CAMSAP2: variants seen among roughly 807,000 people sequenced by gnomAD.
CAMSAP2 encodes calmodulin regulated spectrin associated protein family member 2.
In CAMSAP2, 26 loss-of-function variants were observed where a neutral mutation model predicts 146.1. That is an observed-to-expected ratio of 0.18 (90% CI 0.13 to 0.25). The LOEUF is 0.25. Ranked by LOEUF, CAMSAP2 falls within the 10% of genes least tolerant of loss-of-function variation. CAMSAP2 has a pLI of 1.00. For synonymous variants in CAMSAP2, 499 were observed against 596.6 expected (o/e 0.84, Z 2.38); for missense variants, 1,381 against 1,759.3 (o/e 0.78, Z 3.85).
intron 1 of CAMSAP2, among the ~76,000 whole-genome samples, chr1:200,751,535 C>CAAA (rs35294926): frequency 0.027 from 1,099 of 41,452 alleles, 92 homozygotes; most frequent in African/African-American, 0.079. Flanking sequence ...GACTCCATCT[C>CAAA]AAAAAAAAAA....
At position 200,760,855 on chromosome 1, in the gene CAMSAP2, A is replaced by G. The variant is rs1232001931; in HGVS notation, c.156A>G (p.Glu52=). The G allele has an allele frequency of 6.3e-7, 1 of 1,582,384 alleles. No homozygotes were observed. Among genetic ancestry groups the G allele is most frequent in the Non-Finnish European group, 8.6e-7 (1 of 1,160,910 alleles). ...KAFGTENVPE[E]LQEPFYTDQY... Reference sequence around the variant, plus strand: ...TCTTTATAGAAAATGTGCCAGAGGAACTTCAAGAACCATTTTACACAGATC... The same window carrying G: ...TCTTTATAGAAAATGTGCCAGAGGAGCTTCAAGAACCATTTTACACAGATC... Residue 52 remains glutamate (E), a synonymous_variant, in exon 2 of 17, where the codon GAA becomes GAG. Coordinates refer to ENST00000358823, the MANE Select transcript of CAMSAP2 (RefSeq NM_203459.4).
Position 200,852,610 on chromosome 1 carries a change from G to A in CAMSAP2, c.3535G>A (p.Glu1179Lys). ...TTTGTTGGAGAAAAGATTAAGAAGGGAAAAGGAAACTCAGCTCCGGAAACA... is the reference window on the plus strand; with the variant it reads ...TTTGTTGGAGAAAAGATTAAGAAGGAAAAAGGAAACTCAGCTCCGGAAACA... The part of the protein sequence containing the change: ...AALLEKRLRR[E>K]KETQLRKQQL... Residue 1179 changes from glutamate to lysine, a missense_variant, in exon 12 of 17, where the codon GAA (glutamate) becomes AAA (lysine). Glu to Lys is a moderately conservative substitution (Grantham distance 56, BLOSUM62 1). Transcript: ENST00000358823. 2 of 1,613,832 alleles carry A rather than the reference G, an allele frequency of 1.2e-6. No individual in the cohort carries two copies. The highest frequency in any genetic ancestry group is 1.7e-6 in the Non-Finnish European group (2 of 1,179,896).
intron 6 of CAMSAP2, among the ~76,000 whole-genome samples, chr1:200,834,393 C>T (rs551919360): frequency 3.3e-5 from 5 of 152,022 alleles, no homozygotes; most frequent in East Asian, 3.9e-4. Context: ...ATCATCATCA[C>T]GAATAGATTT....
chr1:200,750,901 CT>C (rs55953656), intron 1 of CAMSAP2, among the ~76,000 whole-genome samples: 67,259 of 91,570 alleles, frequency 0.73, 25,126 homozygotes, highest in Non-Finnish European at 0.84. Flanking sequence ...CCGCGCCTGC[CT>C]TTTTTTTTTT....
At chr1:200,799,556 C>T (rs571047310) in intron 2 of CAMSAP2, among the ~76,000 whole-genome samples, 26 of 152,118 alleles carry the variant, frequency 1.7e-4, no homozygotes, top group Admixed American at 1.2e-3. Flanking sequence ...TTTGATTCTT[C>T]TCTCTTTCCT....
At chr1:200,751,316 C>T (rs1317040274) in intron 1 of CAMSAP2, among the ~76,000 whole-genome samples, 1 of 151,638 alleles carries the variant, frequency 6.6e-6, no homozygotes, top group Admixed American at 6.6e-5. Context: ...ACCCTACACT[C>T]CTTCAGTGTA....
intron 2 of CAMSAP2, among the ~76,000 whole-genome samples, chr1:200,784,280 T>C (rs1665526137): frequency 6.6e-6 from 1 of 152,176 alleles, no homozygotes; most frequent in Admixed American, 6.5e-5. Context: ...CATTTCCATA[T>C]AAATTTTAGA....
intron 4 of CAMSAP2, among the ~76,000 whole-genome samples, chr1:200,827,909 T>C (rs1298487390): frequency 6.6e-6 from 1 of 152,142 alleles, no homozygotes; most frequent in African/African-American, 2.4e-5. Flanking sequence ...AAGAAGAAAA[T>C]TAGATTCTTT....
chr1:200,822,962 G>A (rs1056378381), intron 4 of CAMSAP2, among the ~76,000 whole-genome samples: 11 of 152,052 alleles, frequency 7.2e-5, no homozygotes, highest in Admixed American at 6.5e-4. Context: ...TATGGGTAAG[G>A]GGGGGACAGC....
At position 200,849,980 on chromosome 1, in the gene CAMSAP2, G is replaced by C. The variant is rs1199708271; in HGVS notation, c.3211G>C (p.Glu1071Gln). 6.2e-7 allele frequency: 1 copy of C among 1,614,116 alleles called. No homozygotes were observed. The highest frequency in any genetic ancestry group is 1.7e-5 in the Admixed American group (1 of 60,002). The part of the protein sequence containing the change: ...EIKPFESTVS[E>Q]VLSLPVTETV... The stretch of plus-strand genomic sequence containing the variant: ...CAAACCTTTTGAGTCAACAGTCTCT[G>C]AAGTCCTATCACTGCCTGTCACAGA... Residue 1071 changes from glutamate to glutamine, a missense_variant, in exon 11 of 17, where the codon GAA becomes CAA. Transcript: ENST00000358823. This position sits in a 1 kb window ranked among gnomAD's most constrained non-coding sequence, Gnocchi z 6.3.
rs546841690 is a variant in CAMSAP2 at position 200,739,172 on chromosome 1, G to C, written c.-656G>C. On this transcript the variant is annotated 5_prime_UTR_variant, in exon 1 of 17. Coordinates refer to ENST00000358823, the MANE Select transcript of CAMSAP2 (RefSeq NM_203459.4). This position sits in a 1 kb window ranked among gnomAD's most constrained non-coding sequence, Gnocchi z 4.8. ...CGGGAGGGAGCACAGAGGAGGGGAC[G>C]GGCCGGCGGCGGCCTGTGAGCCGCA... 2.0e-3 allele frequency among the ~76,000 whole-genome samples: 304 copies of C among 152,170 alleles called. 1 individual carries two copies. The highest frequency in any genetic ancestry group is 7.1e-3 in the African/African-American group (293 of 41,526).
At chr1:200,836,081 CT>C (rs71281172) in intron 6 of CAMSAP2, among the ~76,000 whole-genome samples, 32 of 134,772 alleles carry the variant, frequency 2.4e-4, no homozygotes, top group Non-Finnish European at 3.0e-4. Flanking sequence ...TCATTTGAAT[CT>C]TTTTTTTTTT....
chr1:200,835,870 A>G (rs1667172040), intron 6 of CAMSAP2, among the ~76,000 whole-genome samples: 1 of 152,228 alleles, frequency 6.6e-6, no homozygotes, highest in African/African-American at 2.4e-5. Flanking sequence ...ACATGGAGAT[A>G]TAAGATTGCA....
intron 2 of CAMSAP2, among the ~76,000 whole-genome samples, chr1:200,804,692 C>T (rs1407962810): frequency 6.6e-6 from 1 of 152,138 alleles, no homozygotes; most frequent in Non-Finnish European, 1.5e-5. Flanking sequence ...AGGATACATA[C>T]AGATGAATGA....
chr1:200,751,818 G>T (rs1262322508), intron 1 of CAMSAP2, among the ~76,000 whole-genome samples: 1 of 152,192 alleles, frequency 6.6e-6, no homozygotes, highest in Non-Finnish European at 1.5e-5. Context: ...TTCACAGTCT[G>T]TGTGGGAATC....
rs951669201 is a variant in CAMSAP2 at position 200,776,709 on chromosome 1, G to A, written c.399+15611G>A. ...ACTGCACTCCAGCCTGGGCAACAGAGTGAGACTCCGTCTTAAAAAAACAAA... is the reference window on the plus strand; with the variant it reads ...ACTGCACTCCAGCCTGGGCAACAGAATGAGACTCCGTCTTAAAAAAACAAA... On this transcript the variant is annotated intron_variant, in intron 2 of 16. Coordinates refer to ENST00000358823, the MANE Select transcript of CAMSAP2 (RefSeq NM_203459.4). 1.6e-4 allele frequency among the ~76,000 whole-genome samples: 24 copies of A among 152,230 alleles called. 1 individual carries two copies. The highest frequency in any genetic ancestry group is 5.3e-4 in the African/African-American group (22 of 41,536).
At chr1:200,787,055 C>T (rs1039295172) in intron 2 of CAMSAP2, among the ~76,000 whole-genome samples, 3 of 151,748 alleles carry the variant, frequency 2.0e-5, no homozygotes, top group Non-Finnish European at 2.9e-5. Context: ...TATCACTGCT[C>T]GTTGACAATG....
At chr1:200,770,195 C>T (rs907003261) in intron 2 of CAMSAP2, among the ~76,000 whole-genome samples, 1 of 152,122 alleles carries the variant, frequency 6.6e-6, no homozygotes, top group Non-Finnish European at 1.5e-5. Flanking sequence ...ATTGAGTACA[C>T]TTTACAAATA....
At chr1:200,785,916 C>T (rs1181646714) in intron 2 of CAMSAP2, among the ~76,000 whole-genome samples, 1 of 147,136 alleles carries the variant, frequency 6.8e-6, no homozygotes, top group African/African-American at 2.5e-5. Context: ...TCTCAAACTC[C>T]TGATCTCAAA....
Sources: gnomAD v4.1 joint callset for allele counts (sites outside exome capture counted in the v4.1 genomes callset) on GRCh38, gnomAD v4.1.1 for gene constraint, Gnocchi (gnomAD v3.1) non-coding constraint, MANE v1.5 for transcripts, NCBI Gene and HGNC (gene_info 2026-07-23, HGNC 2026-07-21) for gene names.